The following SPATA16 variants were observed in gnomAD, a reference collection of about 807,000 sequenced individuals.
SPATA16 encodes the protein spermatogenesis associated 16, also known as spermatogenesis-associated protein 16.
In SPATA16, 36 loss-of-function variants were observed where a neutral mutation model predicts 63.3. That is an observed-to-expected ratio of 0.57 (90% CI 0.44 to 0.75). The LOEUF is 0.75. Ranked by LOEUF, SPATA16 falls within the 30% of genes least tolerant of loss-of-function variation. SPATA16 has a pLI of 0.00. For synonymous variants in SPATA16, 203 were observed against 216.7 expected (o/e 0.94, Z 0.56); for missense variants, 646 against 679.3 (o/e 0.95, Z 0.54).
intron 10 of SPATA16, among the ~76,000 whole-genome samples, chr3:172,912,415 T>C (rs896333533): frequency 2.0e-5 from 3 of 152,208 alleles, no homozygotes; most frequent in African/African-American, 7.2e-5. Flanking sequence ...ATGGTAGATA[T>C]GTATTCAACA....
At chr3:173,056,951 G>A (rs1006980456) in intron 2 of SPATA16, among the ~76,000 whole-genome samples, 2 of 151,258 alleles carry the variant, frequency 1.3e-5, no homozygotes, top group South Asian at 2.1e-4. Flanking sequence ...TACTACTACC[G>A]TGAGTCCACA....
At chr3:172,942,619 T>G (rs1488737439) in intron 6 of SPATA16, among the ~76,000 whole-genome samples, 3 of 152,110 alleles carry the variant, frequency 2.0e-5, no homozygotes, top group African/African-American at 7.2e-5. Context: ...TTGTTTCCTA[T>G]TTACTGATGT....
intron 6 of SPATA16, among the ~76,000 whole-genome samples, chr3:172,954,537 T>A (rs1733526682): frequency 6.6e-6 from 1 of 152,182 alleles, no homozygotes; most frequent in African/African-American, 2.4e-5. Context: ...TTATGTTACT[T>A]ACTTCTTAGC....
intron 10 of SPATA16, among the ~76,000 whole-genome samples, chr3:172,895,572 G>A (rs1469350227): frequency 6.6e-6 from 1 of 152,124 alleles, no homozygotes; most frequent in African/African-American, 2.4e-5. Context: ...CTGGCCTCAA[G>A]TTTTCTGCTT....
At chr3:172,959,526 GAGT>G (rs1378338172) in intron 5 of SPATA16, among the ~76,000 whole-genome samples, 1 of 152,094 alleles carries the variant, frequency 6.6e-6, no homozygotes, top group African/African-American at 2.4e-5. Context: ...GGAAGTGGGT[GAGT>G]AAATAGAGAG....
At chr3:173,051,497 A>T (rs539495611) in intron 2 of SPATA16, among the ~76,000 whole-genome samples, 6 of 151,812 alleles carry the variant, frequency 4.0e-5, no homozygotes, top group African/African-American at 1.2e-4. Flanking sequence ...CACCGTGCCC[A>T]GCCAATTTTT....
At chr3:173,085,887 C>A (rs762979495) in intron 2 of SPATA16, among the ~76,000 whole-genome samples, 3 of 152,114 alleles carry the variant, frequency 2.0e-5, no homozygotes, top group Non-Finnish European at 4.4e-5. Context: ...GGTAAATAAG[C>A]TTTTTGATGT....
At chr3:172,896,420 A>G (rs1274261447) in intron 10 of SPATA16, among the ~76,000 whole-genome samples, 2 of 151,994 alleles carry the variant, frequency 1.3e-5, no homozygotes, top group African/African-American at 4.8e-5. Context: ...ATAGAGTTTC[A>G]TCGTGTTAGC....
chr3:172,913,115 G>A (rs1732407793), intron 10 of SPATA16, among the ~76,000 whole-genome samples: 1 of 152,188 alleles, frequency 6.6e-6, no homozygotes. Flanking sequence ...AGAGGGTCCT[G>A]TTGTGTCACA....
At chr3:173,041,023 G>T (rs1166258438) in intron 3 of SPATA16, among the ~76,000 whole-genome samples, 3 of 152,058 alleles carry the variant, frequency 2.0e-5, no homozygotes, top group African/African-American at 7.2e-5. Flanking sequence ...TTTTTTTAGG[G>T]TTTCAAGAAT....
intron 4 of SPATA16, among the ~76,000 whole-genome samples, chr3:173,004,542 G>A (rs1734897734): frequency 6.6e-6 from 1 of 151,936 alleles, no homozygotes; most frequent in Admixed American, 6.6e-5. Flanking sequence ...GTTAACAGTG[G>A]GCTTTCCAAA....
rs890020325 is a variant in SPATA16 at position 173,020,946 on chromosome 3, C to T, written c.759-1371G>A. Among the ~76,000 whole-genome samples, 8 of 152,074 alleles carry T rather than the reference C, an allele frequency of 5.3e-5. No homozygotes were observed. In the East Asian group the frequency reaches 5.8e-4, roughly 11 times the overall value. On this transcript the variant is annotated intron_variant, in intron 3 of 10. Coordinates refer to ENST00000351008, the MANE Select transcript of SPATA16 (RefSeq NM_031955.6). ...TTTTTTGAGAGGTATACAGTGCTTTCGGGAACCAGATAAAAAGTCTGAACC... is the reference window on the plus strand; with the variant it reads ...TTTTTTGAGAGGTATACAGTGCTTTTGGGAACCAGATAAAAAGTCTGAACC...
intron 5 of SPATA16, among the ~76,000 whole-genome samples, chr3:172,966,641 C>T (rs1733925863): frequency 6.6e-6 from 1 of 152,050 alleles, no homozygotes; most frequent in African/African-American, 2.4e-5. Flanking sequence ...TGATTCAGCC[C>T]AGGTACAGAT....
rs181134747 is a variant in SPATA16, at chr3:172,976,498, A to C, written c.933+470T>G. On this transcript the variant is annotated intron_variant, in intron 5 of 10. Coordinates refer to ENST00000351008, the MANE Select transcript of SPATA16 (RefSeq NM_031955.6). ...ACTTCTTGCTGCCATTTTGAATAATAAATGAGAAACAAGATCTGCAATTTG... is the reference window on the plus strand; with the variant it reads ...ACTTCTTGCTGCCATTTTGAATAATCAATGAGAAACAAGATCTGCAATTTG... 1.7e-3 allele frequency among the ~76,000 whole-genome samples: 260 copies of C among 152,266 alleles called. 1 individual carries two copies. The highest frequency in any genetic ancestry group is 2.9e-3 in the Non-Finnish European group (198 of 67,958).
At chr3:173,068,286 C>T (rs1288519537) in intron 2 of SPATA16, among the ~76,000 whole-genome samples, 1 of 152,066 alleles carries the variant, frequency 6.6e-6, no homozygotes, top group Non-Finnish European at 1.5e-5. Flanking sequence ...ACTACAACTA[C>T]TATTTAGATA....
At chr3:172,895,181 G>A (rs934089519) in intron 10 of SPATA16, among the ~76,000 whole-genome samples, 2 of 152,148 alleles carry the variant, frequency 1.3e-5, no homozygotes, top group Non-Finnish European at 2.9e-5. Context: ...GAATTCTACA[G>A]CCAGGATACT....
intron 5 of SPATA16, among the ~76,000 whole-genome samples, chr3:172,973,565 T>G (rs1349945270): frequency 6.6e-6 from 1 of 152,076 alleles, no homozygotes; most frequent in Non-Finnish European, 1.5e-5. Flanking sequence ...CTTTTGTGCC[T>G]CAGAATGTGG....
At chr3:173,010,310 T>A (rs1011741296) in intron 4 of SPATA16, among the ~76,000 whole-genome samples, 1 of 152,062 alleles carries the variant, frequency 6.6e-6, no homozygotes, top group African/African-American at 2.4e-5. Context: ...CATGACTCCA[T>A]CAGAGAGGAG....
rs527556775 is a variant in SPATA16, at chr3:172,945,883, A to G, written c.1081+10794T>C. ...TTTGGAGTCAGTGGACTTGGGGTAC[A>G]TGACACTAGGGAGACACCAGCTGGG... On this transcript the variant is annotated intron_variant, in intron 6 of 10. Transcript: ENST00000351008. Among the ~76,000 whole-genome samples, 19 of 152,284 alleles carry G rather than the reference A, an allele frequency of 1.2e-4. No individual in the cohort carries two copies. The East Asian group carries it at 3.7e-3, about 29-fold the overall frequency.
Sources: gnomAD v4.1 joint callset for allele counts (sites outside exome capture counted in the v4.1 genomes callset) on GRCh38, gnomAD v4.1.1 for gene constraint, MANE v1.5 for transcripts, NCBI Gene and HGNC (gene_info 2026-07-23, HGNC 2026-07-21) for gene names.